Variants in MRPS5 observed in about 807,000 individuals in gnomAD.
MRPS5 encodes mitochondrial ribosomal protein S5.
In MRPS5, 27 loss-of-function variants were observed where a neutral mutation model predicts 51.9. The ratio of observed to expected loss-of-function variants is 0.52; its 90% confidence interval spans 0.38 to 0.72. The LOEUF (loss-of-function observed/expected upper bound fraction) is 0.72. Among genes scored for constraint, MRPS5 ranks in the 30% least tolerant of loss-of-function variants. MRPS5 has a pLI of 0.00. For synonymous variants in MRPS5, 196 were observed against 193.2 expected (o/e 1.01, Z -0.12); for missense variants, 570 against 545.7 (o/e 1.04, Z -0.44).
chr2:95,089,722 A>C (rs890696409), intron 11 of MRPS5, among the ~76,000 whole-genome samples: 1 of 152,214 alleles, frequency 6.6e-6, no homozygotes, highest in Non-Finnish European at 1.5e-5. Flanking sequence ...CCTAGCCCCA[A>C]CTGAAAGGAC....
At chr2:95,118,028 T>G in intron 1 of MRPS5, 83 bp from the exon 2 acceptor site, 1 of 1,038,406 alleles carries the variant, frequency 9.6e-7, no homozygotes, top group Non-Finnish European at 1.4e-6. Context: ...AAAATATATC[T>G]ATAGAATAAA....
At chr2:95,109,284 C>T (rs1203739588) in intron 4 of MRPS5, among the ~76,000 whole-genome samples, 3 of 151,866 alleles carry the variant, frequency 2.0e-5, no homozygotes, top group Non-Finnish European at 4.4e-5. Context: ...TTTCTTTATC[C>T]CTGAAGGCCA....
At chr2:95,116,678 T>A (rs1350245478) in intron 2 of MRPS5, among the ~76,000 whole-genome samples, 1 of 152,240 alleles carries the variant, frequency 6.6e-6, no homozygotes, top group Admixed American at 6.5e-5. Flanking sequence ...CAGTTAACAA[T>A]TGCCCTGGAA....
chr2:95,114,992 A>C, intron 3 of MRPS5, 74 bp downstream of exon 3: 1 of 1,339,612 alleles, frequency 7.5e-7, no homozygotes, highest in Non-Finnish European at 9.9e-7. Context: ...TCATGTAAAA[A>C]AGAAGAAAAA....
chr2:95,108,262 T>C lies in MRPS5; in HGVS notation c.550A>G (p.Lys184Glu), dbSNP rs1310085844. The change falls in exon 5 of 12, where the codon AAG becomes GAG. Residue 184 changes from lysine (K) to glutamate (E), a missense_variant. By Grantham distance (56) the Lys-to-Glu change is moderately conservative. Transcript: ENST00000272418. ...QQREEWDRKKKMKVKRERGWS... is the reference protein window; with the variant it reads ...QQREEWDRKKEMKVKRERGWS... ...CCTCGCTCCCGTTTAACCTTCATCT[T>C]CTTCTTTCGGTCCCACTCTTCTCTC... The C allele has an allele frequency of 6.2e-7, 1 of 1,614,090 alleles. No individual in the cohort carries two copies.
intron 9 of MRPS5, 37 bp downstream of exon 9, chr2:95,100,800 C>A: frequency 6.8e-7 from 1 of 1,467,322 alleles, no homozygotes; most frequent in African/African-American, 1.4e-5. Context: ...AAATGTAATC[C>A]TGCAAATTAA....
At chr2:95,090,173 T>C (rs1234539029) in intron 11 of MRPS5, among the ~76,000 whole-genome samples, 1 of 104,722 alleles carries the variant, frequency 9.5e-6, no homozygotes, top group Non-Finnish European at 1.8e-5. Context: ...CGAGACTCCG[T>C]CTCAAAAAAA....
chr2:95,086,239 C>G lies in MRPS5; in HGVS notation c.*1118G>C, dbSNP rs1675284384. 6.6e-6 allele frequency among the ~76,000 whole-genome samples: 1 copy of G among 152,004 alleles called. No homozygotes were observed. Among genetic ancestry groups the G allele is most frequent in the Non-Finnish European group, 1.5e-5 (1 of 68,010 alleles). On this transcript the variant is annotated 3_prime_UTR_variant, in exon 12 of 12. Coordinates refer to ENST00000272418, the MANE Select transcript of MRPS5 (RefSeq NM_031902.5). ...CTACCTGATGACAAAGATTTTAAAG[C>G]AGCCACCATAAAAATGCTTCAGTGA...
intron 11 of MRPS5, among the ~76,000 whole-genome samples, chr2:95,088,912 C>T (rs987555217): frequency 2.2e-4 from 33 of 152,192 alleles, no homozygotes; most frequent in Non-Finnish European, 3.1e-4. Context: ...ATTAAAAATA[C>T]AAAAATTAGC....
intron 3 of MRPS5, among the ~76,000 whole-genome samples, chr2:95,114,380 C>T (rs1339410166): frequency 6.6e-6 from 1 of 151,740 alleles, no homozygotes; most frequent in Non-Finnish European, 1.5e-5. Context: ...GCCTCAGCCT[C>T]CCAAGTAGCT....
intron 10 of MRPS5, among the ~76,000 whole-genome samples, chr2:95,095,407 TC>T (rs561284970): frequency 1.7e-3 from 253 of 152,356 alleles, no homozygotes; most frequent in African/African-American, 5.7e-3. Context: ...CATACATTCT[TC>T]TCAGCACCAC....
chr2:95,105,892 C>A (rs78100783), intron 6 of MRPS5, among the ~76,000 whole-genome samples: 1 of 152,294 alleles, frequency 6.6e-6, no homozygotes, highest in East Asian at 1.9e-4. Context: ...GCATTCAGTG[C>A]CAGCTCAAAG....
chr2:95,119,678 G>GC (rs1328631544), intron 1 of MRPS5, among the ~76,000 whole-genome samples: 12 of 152,030 alleles, frequency 7.9e-5, no homozygotes. Context: ...TTAAGTGCTG[G>GC]CAAGGAAGTA....
At chr2:95,090,028 T>C (rs1675412434) in intron 11 of MRPS5, among the ~76,000 whole-genome samples, 2 of 150,740 alleles carry the variant, frequency 1.3e-5, no homozygotes, top group African/African-American at 4.9e-5. Flanking sequence ...ATACAAAAAA[T>C]TAGCCGGGCG....
intron 11 of MRPS5, among the ~76,000 whole-genome samples, chr2:95,089,076 A>AAAAC (rs549275148): frequency 1.3e-5 from 2 of 152,154 alleles, no homozygotes; most frequent in African/African-American, 4.8e-5. Flanking sequence ...TCAAAAAGCA[A>AAAAC]AAACAAACAA....
Position 95,106,551 on chromosome 2 carries a change from G to A in MRPS5, c.638-94C>T, listed in dbSNP as rs573602917. The A allele has an allele frequency of 7.1e-4, 742 of 1,045,808 alleles. 3 individuals carry two copies. Among genetic ancestry groups the A allele is most frequent in the East Asian group, 3.6e-3 (150 of 42,144 alleles). The allele number at this position is 1,045,808 out of a possible 1,614,324, so 64.8% of individuals were successfully genotyped here. A position where few individuals can be genotyped will look rare whatever the true frequency, so the allele number is the denominator to read the frequency against. On this transcript the variant is annotated intron_variant, in intron 5 of 11. Coordinates refer to ENST00000272418, the MANE Select transcript of MRPS5 (RefSeq NM_031902.5). ...ACACAGGCACCATCACAGACCTTTC[G>A]GGGAGAAAGAATCTCAGATCTTTTG...
intron 1 of MRPS5, among the ~76,000 whole-genome samples, chr2:95,119,105 G>A (rs1377026170): frequency 1.3e-5 from 2 of 152,098 alleles, no homozygotes; most frequent in African/African-American, 4.8e-5. Flanking sequence ...TATGATATAA[G>A]GGTCTTGTAC....
At position 95,086,358 on chromosome 2, in the gene MRPS5, A is replaced by G. The variant is rs1430888317; in HGVS notation, c.*999T>C. Among the ~76,000 whole-genome samples, 2 of 152,244 alleles carry G rather than the reference A, an allele frequency of 1.3e-5. No individual in the cohort carries two copies. Among genetic ancestry groups the G allele is most frequent in the African/African-American group, 4.8e-5 (2 of 41,464 alleles). On this transcript the variant is annotated 3_prime_UTR_variant, in exon 12 of 12. Transcript: ENST00000272418. ...AGAGAAGACATAAAAAATAAACCAAATGGAAATTTTAACTGAAATATACAA... is the reference window on the plus strand; with the variant it reads ...AGAGAAGACATAAAAAATAAACCAAGTGGAAATTTTAACTGAAATATACAA...
chr2:95,094,258 T>C (rs1346629291), intron 10 of MRPS5, among the ~76,000 whole-genome samples: 1 of 152,194 alleles, frequency 6.6e-6, no homozygotes, highest in African/African-American at 2.4e-5. Context: ...CTACATTTGA[T>C]TGGTGTACCT....
Sources: gnomAD v4.1 joint callset for allele counts (sites outside exome capture counted in the v4.1 genomes callset) on GRCh38, gnomAD v4.1.1 for gene constraint, MANE v1.5 for transcripts, NCBI Gene and HGNC (gene_info 2026-07-23, HGNC 2026-07-21) for gene names.